ABHD5: variants seen among roughly 807,000 people sequenced by gnomAD.
ABHD5 encodes the protein abhydrolase domain containing 5, lysophosphatidic acid acyltransferase, also known as 1-acylglycerol-3-phosphate O-acyltransferase ABHD5.
In ABHD5, 30 loss-of-function variants were observed where a neutral mutation model predicts 44.9. That is an observed-to-expected ratio of 0.67 (90% CI 0.50 to 0.91). The LOEUF is 0.91. ABHD5 is among the 40% of genes least tolerant of loss of function. The pLI, the probability that ABHD5 is intolerant of heterozygous loss-of-function variation, is 0.00. For missense variants in ABHD5, 399 were observed against 423.4 expected, an observed-to-expected ratio of 0.94 and a Z score of 0.50; for synonymous variants, 167 against 147.0, an observed-to-expected ratio of 1.14 and a Z score of -0.99.
intron 3 of ABHD5, among the ~76,000 whole-genome samples, chr3:43,710,657 A>C (rs1240661439): frequency 6.6e-6 from 1 of 152,260 alleles, no homozygotes; most frequent in Non-Finnish European, 1.5e-5. Context: ...ATAATAGAAT[A>C]GATTTTATAT....
At chr3:43,733,433 G>GA (rs1482017321) in intron 7 of ABHD5, among the ~76,000 whole-genome samples, 4 of 152,078 alleles carry the variant, frequency 2.6e-5, no homozygotes, top group African/African-American at 9.7e-5. Flanking sequence ...AAGCAGTTTT[G>GA]AAAAAACAGT....
chr3:43,730,568 C>T (rs117496580), intron 7 of ABHD5, among the ~76,000 whole-genome samples: 3,063 of 129,638 alleles, frequency 0.024, 54 homozygotes, highest in South Asian at 0.098. Context: ...TACGGTGGTG[C>T]GATCAAAGCT....
chr3:43,731,488 A>G (rs2084912159), intron 7 of ABHD5, among the ~76,000 whole-genome samples: 1 of 152,164 alleles, frequency 6.6e-6, no homozygotes, highest in African/African-American at 2.4e-5. Flanking sequence ...TGCATACATA[A>G]TTTTGGGGGC....
chr3:43,713,089 G>A (rs1264199248), intron 4 of ABHD5, among the ~76,000 whole-genome samples: 1 of 152,082 alleles, frequency 6.6e-6, no homozygotes, highest in African/African-American at 2.4e-5. Context: ...GGCTGAGGTA[G>A]GCAGATCACT....
At chr3:43,713,545 A>G (rs527662565) in intron 4 of ABHD5, among the ~76,000 whole-genome samples, 132 of 151,882 alleles carry the variant, frequency 8.7e-4, no homozygotes, top group African/African-American at 2.8e-3. Flanking sequence ...AGAGGAGGAT[A>G]TGGGGGTTGA....
chr3:43,704,077 G>A (rs1488799086), intron 3 of ABHD5, among the ~76,000 whole-genome samples: 4 of 125,100 alleles, frequency 3.2e-5, no homozygotes, highest in East Asian at 2.5e-4. Context: ...TCACTCGGTC[G>A]CCCAGGCTGG....
Position 43,721,350 on chromosome 3 carries a change from A to G in ABHD5, c.*2818A>G, listed in dbSNP as rs1437668790. Reference sequence around the variant, plus strand: ...ACCCTCTTTCTAACTAGAAGAAAACATAGATGAATTATTGTATAATCTGAC... The same window carrying G: ...ACCCTCTTTCTAACTAGAAGAAAACGTAGATGAATTATTGTATAATCTGAC... On this transcript the variant is annotated 3_prime_UTR_variant, in exon 7 of 7. Coordinates refer to ENST00000644371, the MANE Select transcript of ABHD5 (RefSeq NM_016006.6). The G allele has an allele frequency of 6.6e-6, 1 of 152,172 alleles. No individual in the cohort carries two copies. The highest frequency in any genetic ancestry group is 1.5e-5 in the Non-Finnish European group (1 of 68,040). 9.4% of individuals were successfully genotyped at this position (152,172 alleles called of 1,614,324 possible). A position where few individuals can be genotyped will look rare whatever the true frequency, so the allele number is the denominator to read the frequency against.
rs2084845420 is a variant in ABHD5, at chr3:43,722,264, A to G, written c.*3732A>G. The G allele has an allele frequency of 1.3e-5, 2 of 152,252 alleles. No homozygotes were observed. The highest frequency in any genetic ancestry group is 4.1e-4 in the South Asian group (2 of 4,832). The allele number at this position is 152,252 out of a possible 1,614,324, so 9.4% of individuals were successfully genotyped here. On this transcript the variant is annotated 3_prime_UTR_variant, in exon 7 of 7. Coordinates refer to ENST00000644371, the MANE Select transcript of ABHD5 (RefSeq NM_016006.6). ...CTACACAGCTGTAGAAAGGACTGCG[A>G]ACTATTTTTGTAGTTCTGGTCTGGA...
At chr3:43,713,653 G>C (rs2084718315) in intron 4 of ABHD5, among the ~76,000 whole-genome samples, 1 of 152,178 alleles carries the variant, frequency 6.6e-6, no homozygotes, top group African/African-American at 2.4e-5. Flanking sequence ...TCCTTACTAT[G>C]CCTGGTCCTT....
chr3:43,697,948 A>C (rs1279407001), intron 1 of ABHD5, among the ~76,000 whole-genome samples: 1 of 152,206 alleles, frequency 6.6e-6, no homozygotes, highest in Non-Finnish European at 1.5e-5. Context: ...AATGGGGATA[A>C]TTTGGACTGA....
chr3:43,707,037 A>G (rs2084629689), intron 3 of ABHD5, among the ~76,000 whole-genome samples: 1 of 152,200 alleles, frequency 6.6e-6, no homozygotes, highest in Non-Finnish European at 1.5e-5. Context: ...TTCTTACTCT[A>G]AAGAACAAAT....
chr3:43,704,397 G>A (rs1195671429), intron 3 of ABHD5, among the ~76,000 whole-genome samples: 2 of 152,212 alleles, frequency 1.3e-5, no homozygotes, highest in Admixed American at 6.5e-5. Context: ...TGCATTTATG[G>A]TGAAAGGAGA....
downstream of ABHD5, among the ~76,000 whole-genome samples, chr3:43,724,821 A>G (rs1437704866): frequency 6.6e-6 from 1 of 152,220 alleles, no homozygotes; most frequent in African/African-American, 2.4e-5. Context: ...AGACATTTTG[A>G]GGAGGATAAA....
chr3:43,702,232 A>C lies in ABHD5; in HGVS notation c.151A>C (p.Lys51Gln). 2 of 1,588,164 alleles carry C rather than the reference A, an allele frequency of 1.3e-6. No individual in the cohort carries two copies. Among genetic ancestry groups the C allele is most frequent in the Non-Finnish European group, 1.7e-6 (2 of 1,163,968 alleles). The stretch of plus-strand genomic sequence containing the variant: ...TTCATTAGGTGTGCCTTGCACATAC[A>C]AAAAAGAACCTGTTCGTATATCTAA... ...KMLKCVPCTYKKEPVRISNGN... is the reference protein window; with the variant it reads ...KMLKCVPCTYQKEPVRISNGN... The change falls in exon 3 of 7, where the codon AAA becomes CAA. Residue 51 changes from lysine (K) to glutamine (Q), a missense_variant. Lys to Gln is a moderately conservative substitution (Grantham distance 53). Transcript: ENST00000644371.
At chr3:43,703,171 CCTTT>C (rs1343151104) in intron 3 of ABHD5, among the ~76,000 whole-genome samples, 1 of 122,032 alleles carries the variant, frequency 8.2e-6, no homozygotes, top group African/African-American at 3.1e-5. Flanking sequence ...AGCATCATCT[CCTTT>C]CTTTAACTTT....
intron 4 of ABHD5, 58 bp downstream of exon 4, chr3:43,711,921 TC>T (rs1457334775): frequency 1.2e-6 from 2 of 1,608,330 alleles, no homozygotes; most frequent in African/African-American, 1.3e-5. Flanking sequence ...AGAGCAGAAT[TC>T]ACTATTGTTA....
At chr3:43,703,528 T>A (rs2084575610) in intron 3 of ABHD5, among the ~76,000 whole-genome samples, 2 of 152,198 alleles carry the variant, frequency 1.3e-5, no homozygotes, top group Admixed American at 1.3e-4. Flanking sequence ...GTTACTACTC[T>A]GAGAGAGGGT....
chr3:43,690,960 G>T lies in ABHD5; in HGVS notation c.-33G>T, dbSNP rs760227234. The T allele has an allele frequency of 6.4e-7, 1 of 1,556,192 alleles. No individual in the cohort carries two copies. ...CCCAGTCGGCCTGTCAGCCGGCTTC[G>T]AGATAAGTCCCGGCGCTTGCGCGGC... On this transcript the variant is annotated 5_prime_UTR_variant, in exon 1 of 7. Coordinates refer to ENST00000644371, the MANE Select transcript of ABHD5 (RefSeq NM_016006.6).
chr3:43,733,409 A>G (rs1271998146), intron 7 of ABHD5, among the ~76,000 whole-genome samples: 1 of 152,254 alleles, frequency 6.6e-6, no homozygotes, highest in Non-Finnish European at 1.5e-5. Flanking sequence ...ATGAACATGA[A>G]TTGCTACAAA....
Sources: allele counts gnomAD v4.1 joint callset (sites outside exome capture counted in the v4.1 genomes callset), GRCh38; gene constraint gnomAD v4.1.1; transcripts MANE v1.5; gene names NCBI Gene and HGNC (gene_info 2026-07-23, HGNC 2026-07-21).